Variants in GRM8 observed in about 807,000 individuals in gnomAD.
GRM8 encodes the protein metabotropic glutamate receptor 8.
Under a neutral mutation model 87.2 loss-of-function variants are expected in GRM8, and 47 were observed. The observed-to-expected ratio is 0.54, with a 90% CI of 0.43 to 0.69. The LOEUF (loss-of-function observed/expected upper bound fraction) is 0.69. Ranked by LOEUF, GRM8 falls within the 30% of genes least tolerant of loss-of-function variation. The probability of loss-of-function intolerance (pLI) is 0.00; values close to 1 mark genes in which losing one functional copy is unlikely to be tolerated. For synonymous variants in GRM8, 396 were observed against 404.5 expected (o/e 0.98, Z 0.25); for missense variants, 1,019 against 1,139.2 (o/e 0.89, Z 1.52).
chr7:126,616,908 C>T (rs1005735529), intron 7 of GRM8, among the ~76,000 whole-genome samples: 3 of 152,112 alleles, frequency 2.0e-5, no homozygotes, highest in African/African-American at 7.2e-5. Flanking sequence ...AAAAAAAGTC[C>T]AGGACCAGAC....
At chr7:127,205,685 A>T (rs1469443751) in intron 2 of GRM8, among the ~76,000 whole-genome samples, 1 of 152,110 alleles carries the variant, frequency 6.6e-6, no homozygotes, top group East Asian at 1.9e-4. Flanking sequence ...TAGAGAGAGA[A>T]AGCTGGAGGC....
At chr7:126,894,648 G>A (rs1428912602) in intron 6 of GRM8, among the ~76,000 whole-genome samples, 1 of 151,976 alleles carries the variant, frequency 6.6e-6, no homozygotes, top group Non-Finnish European at 1.5e-5. Flanking sequence ...TCACAAAGAG[G>A]GAATACTTCA....
intron 3 of GRM8, among the ~76,000 whole-genome samples, chr7:126,984,513 C>G (rs900420070): frequency 6.6e-6 from 1 of 152,134 alleles, no homozygotes; most frequent in Non-Finnish European, 1.5e-5. Flanking sequence ...ATCTTTCTCC[C>G]GTGCTAGATG....
intron 2 of GRM8, among the ~76,000 whole-genome samples, chr7:127,222,811 T>C (rs1280511643): frequency 6.6e-6 from 1 of 152,190 alleles, no homozygotes; most frequent in Non-Finnish European, 1.5e-5. Context: ...AACAAATACA[T>C]GGTAGAAACA....
At chr7:126,953,381 T>G (rs1808353438) in intron 3 of GRM8, among the ~76,000 whole-genome samples, 1 of 152,136 alleles carries the variant, frequency 6.6e-6, no homozygotes, top group Non-Finnish European at 1.5e-5. Context: ...GAAAGACATC[T>G]TTCCCTCTTG....
intron 2 of GRM8, among the ~76,000 whole-genome samples, chr7:127,198,969 G>A (rs1331655977): frequency 1.3e-5 from 2 of 151,874 alleles, no homozygotes; most frequent in African/African-American, 2.4e-5. Flanking sequence ...GCCTTCCTGA[G>A]TAGCTGGGAT....
Position 127,087,831 on chromosome 7 carries a change from T to C in GRM8, c.727+18665A>G, listed in dbSNP as rs28951985. Among the ~76,000 whole-genome samples the C allele has an allele frequency of 9.2e-4, 140 of 152,328 alleles. 1 individual carries two copies. In the East Asian group the frequency reaches 0.024, roughly 26 times the overall value. On this transcript the variant is annotated intron_variant, in intron 3 of 10. Coordinates refer to ENST00000339582, the MANE Select transcript of GRM8 (RefSeq NM_000845.3). ...AAATTTTAAAATAAAGAAGTGGTAC[T>C]GTGGAGTCTCACCTATCACATATAC...
intron 7 of GRM8, among the ~76,000 whole-genome samples, chr7:126,645,993 A>AC: frequency 6.6e-6 from 1 of 151,440 alleles, no homozygotes; most frequent in Non-Finnish European, 1.5e-5. Flanking sequence ...TCTTTTACTC[A>AC]CCCCCTCCCT....
In GRM8 at chr7:126,811,143, T is replaced by C. The variant is rs76672872; in HGVS notation, c.1157-41078A>G. On this transcript the variant is annotated intron_variant, in intron 6 of 10. Transcript: ENST00000339582. ...GAAAAGCGTGTTCATTCCCAATGTATGTTCTTGTAGACTTTGTCAAAGATT... is the reference window on the plus strand; with the variant it reads ...GAAAAGCGTGTTCATTCCCAATGTACGTTCTTGTAGACTTTGTCAAAGATT... Among the ~76,000 whole-genome samples the C allele has an allele frequency of 1.7e-3, 261 of 152,306 alleles. 1 individual carries two copies. The East Asian group carries it at 0.04, about 23-fold the overall frequency.
intron 7 of GRM8, among the ~76,000 whole-genome samples, chr7:126,682,424 C>T (rs1807689670): frequency 6.6e-6 from 1 of 152,104 alleles, no homozygotes; most frequent in African/African-American, 2.4e-5. Context: ...TTTATTATCC[C>T]CAATTTGGAG....
chr7:127,214,740 A>G (rs1368370493), intron 2 of GRM8, among the ~76,000 whole-genome samples: 1 of 152,228 alleles, frequency 6.6e-6, no homozygotes. Flanking sequence ...CTCCCCTGAC[A>G]GGTGGGGAAT....
intron 8 of GRM8, among the ~76,000 whole-genome samples, chr7:126,568,563 T>C (rs2150979834): frequency 6.6e-6 from 1 of 152,112 alleles, no homozygotes; most frequent in African/African-American, 2.4e-5. Flanking sequence ...TAATTGGGAG[T>C]TGAGAAGATT....
chr7:126,903,847 C>G, intron 5 of GRM8, 125 bp downstream of exon 5: 1 of 477,386 alleles, frequency 2.1e-6, no homozygotes, highest in South Asian at 5.5e-5. Flanking sequence ...AATTCTGCCA[C>G]CAAAGCTAAA....
At chr7:126,821,543 C>T (rs991309896) in intron 6 of GRM8, among the ~76,000 whole-genome samples, 1 of 152,208 alleles carries the variant, frequency 6.6e-6, no homozygotes, top group African/African-American at 2.4e-5. Flanking sequence ...TCTTGGAAAA[C>T]ATCAGCAATC....
chr7:127,142,202 T>G (rs1828308944), intron 2 of GRM8, among the ~76,000 whole-genome samples: 1 of 152,064 alleles, frequency 6.6e-6, no homozygotes, highest in East Asian at 1.9e-4. Context: ...GGTCTCAAAC[T>G]CCTGGCTTCA....
rs151165214 is a variant in GRM8 at position 126,808,429 on chromosome 7, C to G, written c.1157-38364G>C. ...CTCAATTCAGATCTGTGAGGGTAAT[C>G]TGAAGAAAGAAAAAGCACCCAATAT... is the stretch of plus-strand genomic sequence containing the variant. On this transcript the variant is annotated intron_variant, in intron 6 of 10. Coordinates refer to ENST00000339582, the MANE Select transcript of GRM8 (RefSeq NM_000845.3). 1.7e-3 allele frequency among the ~76,000 whole-genome samples: 255 copies of G among 152,272 alleles called. 1 individual carries two copies. Among genetic ancestry groups the G allele is most frequent in the African/African-American group, 6.0e-3 (248 of 41,558 alleles).
chr7:126,934,732 CA>C (rs1404943662), intron 3 of GRM8, among the ~76,000 whole-genome samples: 1 of 152,090 alleles, frequency 6.6e-6, no homozygotes, highest in Admixed American at 6.6e-5. Flanking sequence ...CCTTCATAAG[CA>C]ATATTACTTA....
intron 6 of GRM8, among the ~76,000 whole-genome samples, chr7:126,868,600 C>T (rs999486093): frequency 6.6e-6 from 1 of 152,122 alleles, no homozygotes; most frequent in African/African-American, 2.4e-5. Context: ...AGATAGTGCA[C>T]GTTTTGTTCT....
At chr7:126,947,159 T>C (rs1479782616) in intron 3 of GRM8, among the ~76,000 whole-genome samples, 5 of 152,168 alleles carry the variant, frequency 3.3e-5, no homozygotes, top group Non-Finnish European at 4.4e-5. Context: ...GCTATTCAAA[T>C]TGATGTAGGA....
Sources: allele counts gnomAD v4.1 joint callset (sites outside exome capture counted in the v4.1 genomes callset), GRCh38; gene constraint gnomAD v4.1.1; transcripts MANE v1.5; gene names NCBI Gene and HGNC (gene_info 2026-07-23, HGNC 2026-07-21).